Variants in LMTK3 observed in about 807,000 individuals in gnomAD.
LMTK3 encodes lemur tail kinase 3.
LMTK3 carries 27 observed loss-of-function variants against 116.7 expected under a neutral mutation model. That is an observed-to-expected ratio of 0.23 (90% CI 0.17 to 0.32). LMTK3 has a LOEUF of 0.32. Ranked by LOEUF, LMTK3 falls within the 10% of genes least tolerant of loss-of-function variation. The pLI is 1.00. For synonymous variants in LMTK3, 965 were observed against 971.0 expected, an observed-to-expected ratio of 0.99 and a Z score of 0.11; for missense variants, 1,764 against 2,068.5, an observed-to-expected ratio of 0.85 and a Z score of 2.86.
intron 2 of LMTK3, 44 bp downstream of exon 2, chr19:48,510,415 G>C (rs367672707): frequency 1.3e-6 from 2 of 1,570,118 alleles, no homozygotes; most frequent in Admixed American, 1.9e-5. Flanking sequence ...TAAAGGCCTT[G>C]CTGGAGTCTT....
intron 1 of LMTK3, among the ~76,000 whole-genome samples, 195 bp downstream of exon 1, chr19:48,511,306 C>T (rs1972654528): frequency 6.6e-6 from 1 of 152,210 alleles, no homozygotes; most frequent in Non-Finnish European, 1.5e-5. Context: ...GAGCCCCCTC[C>T]CCACCCAGCC....
At position 48,499,799 on chromosome 19, in the gene LMTK3, G is replaced by A. The variant is rs1466882896; in HGVS notation, c.1270C>T (p.Pro424Ser). The change falls in exon 11 of 15, where the codon CCC becomes TCC. Residue 424 changes from proline to serine, a missense_variant. This residue lies in a region of LMTK3 where 63 missense variants were observed against 65.0 expected (regional missense o/e 0.97). Transcript: ENST00000600059. ...GGGAAGGGACCGTCTCGGGGTGGGG[G>A]TGGCGGCGGTGGGGGCCGGGGAGGC... ...ERPPRPPPPP[P>S]PPRDGPFPWP... is the part of the protein sequence containing the mutation. The A allele has an allele frequency of 1.9e-6, 3 of 1,543,096 alleles. No homozygotes were observed. Among genetic ancestry groups the A allele is most frequent in the Non-Finnish European group, 1.7e-6 (2 of 1,143,104 alleles).
upstream of LMTK3, chr19:48,513,109 G>T: frequency 1.3e-6 from 2 of 1,573,560 alleles, no homozygotes; most frequent in Non-Finnish European, 1.7e-6. The surrounding 1 kb of genome is among the most constrained non-coding windows in gnomAD (Gnocchi z 5.6). Context: ...ACACAGACAC[G>T]CGCACAGACA....
At chr19:48,513,112 C>T (rs748827433), upstream of LMTK3, 3 of 1,580,030 alleles carry the variant, frequency 1.9e-6, no homozygotes, top group Non-Finnish European at 2.6e-6. The surrounding 1 kb of genome is among the most constrained non-coding windows in gnomAD (Gnocchi z 5.6). Flanking sequence ...CAGACACGCG[C>T]ACAGACACAC....
chr19:48,512,353 A>C (rs147407901), upstream of LMTK3, among the ~76,000 whole-genome samples: 26 of 152,228 alleles, frequency 1.7e-4, no homozygotes, highest in African/African-American at 6.0e-4. Flanking sequence ...AAAGCATCAC[A>C]AAGACCCACA....
chr19:48,486,452 C>G (rs907410738), intron 14 of LMTK3, among the ~76,000 whole-genome samples: 1 of 152,150 alleles, frequency 6.6e-6, no homozygotes, highest in Non-Finnish European at 1.5e-5. Context: ...GCAGTCACCC[C>G]TGCACGCTCA....
intron 5 of LMTK3, among the ~76,000 whole-genome samples, chr19:48,505,084 TCTC>T (rs1210550106): frequency 9.5e-6 from 1 of 105,794 alleles, no homozygotes; most frequent in African/African-American, 5.5e-5. Flanking sequence ...TGACAGTTTC[TCTC>T]TCTCTCTCTC....
intron 5 of LMTK3, among the ~76,000 whole-genome samples, chr19:48,507,228 C>T (rs1213220098): frequency 1.3e-5 from 2 of 152,236 alleles, no homozygotes; most frequent in Non-Finnish European, 2.9e-5. Flanking sequence ...GCTCTGCTCT[C>T]AAATCCTCCC....
chr19:48,507,003 G>A (rs1179555236), intron 5 of LMTK3, among the ~76,000 whole-genome samples: 1 of 152,154 alleles, frequency 6.6e-6, no homozygotes, highest in Non-Finnish European at 1.5e-5. Flanking sequence ...TTTAGCCCAG[G>A]CTGGTCTCCA....
At chr19:48,499,964 G>C in intron 10 of LMTK3, 47 bp from the exon 11 acceptor site, 3 of 1,514,874 alleles carry the variant, frequency 2.0e-6, no homozygotes, top group Non-Finnish European at 2.7e-6. Context: ...CCCAGGGAGG[G>C]GAAAGAGACC....
At position 48,499,848 on chromosome 19, in the gene LMTK3, C is replaced by A; in HGVS notation, c.1221G>T (p.Gln407His). ...QRPSASDLQL[Q>H]LTYLLSERPP... is the part of the protein sequence containing the mutation. ...GCCGCTCGGAGAGCAAGTAGGTGAGCTGCAATTGGAGATCAGAGGCTGAAG... is the reference window on the plus strand; with the variant it reads ...GCCGCTCGGAGAGCAAGTAGGTGAGATGCAATTGGAGATCAGAGGCTGAAG... The change falls in exon 11 of 15, where the codon CAG becomes CAT. Residue 407 changes from glutamine (Q) to histidine (H), a missense_variant. Transcript: ENST00000600059. 1 of 1,591,272 alleles carries A rather than the reference C, an allele frequency of 6.3e-7. No homozygotes were observed. Among genetic ancestry groups the A allele is most frequent in the Middle Eastern group, 2.0e-4 (1 of 4,882 alleles).
intron 1 of LMTK3, 86 bp from the exon 2 acceptor site, chr19:48,510,678 A>G (rs1170889188): frequency 8.6e-6 from 12 of 1,402,768 alleles, no homozygotes; most frequent in Non-Finnish European, 1.0e-5. Context: ...CACGTCTTGG[A>G]CTACAACTCC....
At chr19:48,510,671 G>A in intron 1 of LMTK3, 79 bp from the exon 2 acceptor site, 1 of 1,426,790 alleles carries the variant, frequency 7.0e-7, no homozygotes, top group Non-Finnish European at 9.3e-7. Context: ...GTCCCGGCAC[G>A]TCTTGGACTA....
intron 5 of LMTK3, among the ~76,000 whole-genome samples, chr19:48,504,642 C>T (rs1316104857): frequency 6.6e-6 from 1 of 152,006 alleles, no homozygotes; most frequent in African/African-American, 2.4e-5. Context: ...CTCCACCTCC[C>T]GGGTTCAAGT....
chr19:48,510,725 G>A, intron 1 of LMTK3, 133 bp from the exon 2 acceptor site: 9 of 1,069,744 alleles, frequency 8.4e-6, no homozygotes, highest in Non-Finnish European at 1.2e-5. Context: ...TGGCAGAGGT[G>A]CAGAGTGGCC....
chr19:48,508,764 G>T, intron 5 of LMTK3, 87 bp downstream of exon 5: 1 of 1,017,852 alleles, frequency 9.8e-7, no homozygotes, highest in Non-Finnish European at 1.6e-6. Flanking sequence ...GGAAGAGGTA[G>T]ATTCCAGGTG....
At chr19:48,501,851 C>G (rs1396316915) in intron 7 of LMTK3, among the ~76,000 whole-genome samples, 1 of 151,362 alleles carries the variant, frequency 6.6e-6, no homozygotes, top group African/African-American at 2.4e-5. Flanking sequence ...GACTCCTCCC[C>G]CTCCTCTCCC....
chr19:48,493,927 C>CGT lies in LMTK3; in HGVS notation c.3858_3859insAC (p.Glu1287ThrfsTer30). Reference sequence around the variant, plus strand: ...CCCGGCGCCGCCGCCTCCTCGTCCTCCTCCTCGTCCTCGTCCTCGTCCTCC... The same window carrying CGT: ...CCCGGCGCCGCCGCCTCCTCGTCCTCGTCTCCTCGTCCTCGTCCTCGTCCTCC... On this transcript the variant is annotated frameshift_variant, in exon 12 of 15. Transcript: ENST00000600059. LOFTEE classifies it high-confidence loss of function. 9.7e-7 allele frequency: 1 copy of CGT among 1,032,182 alleles called. No homozygotes were observed. The highest frequency in any genetic ancestry group is 1.2e-6 in the Non-Finnish European group (1 of 864,274). 63.9% of individuals were successfully genotyped at this position (1,032,182 alleles called of 1,614,324 possible). A position where few individuals can be genotyped will look rare whatever the true frequency, so the allele number is the denominator to read the frequency against.
At chr19:48,507,927 G>C (rs993436738) in intron 5 of LMTK3, among the ~76,000 whole-genome samples, 1 of 152,198 alleles carries the variant, frequency 6.6e-6, no homozygotes, top group Non-Finnish European at 1.5e-5. Flanking sequence ...AGCACCCCAG[G>C]ACCCTCTTTG....
Sources: gnomAD v4.1 joint callset for allele counts (sites outside exome capture counted in the v4.1 genomes callset) on GRCh38, gnomAD v4.1.1 for gene constraint, gnomAD v4.1.1 regional missense constraint, Gnocchi (gnomAD v3.1) non-coding constraint, MANE v1.5 for transcripts, NCBI Gene and HGNC (gene_info 2026-07-23, HGNC 2026-07-21) for gene names.